The following CPNE7 variants were observed in gnomAD, a reference collection of about 807,000 sequenced individuals.
CPNE7 encodes the protein copine 7.
A neutral mutation model predicts 66.5 loss-of-function variants in CPNE7; 78 were observed. The ratio of observed to expected loss-of-function variants is 1.17; its 90% CI spans 0.98 to 1.42. The LOEUF (loss-of-function observed/expected upper bound fraction) is 1.42. Among genes scored for constraint, CPNE7 ranks in the 40% most tolerant of loss-of-function variants. CPNE7 has a pLI of 0.00. For missense variants in CPNE7, 1,012 were observed against 776.6 expected (o/e 1.30, Z -3.60); for synonymous variants, 468 against 336.7 (o/e 1.39, Z -4.27).
At position 89,591,043 on chromosome 16, in the gene CPNE7, G is replaced by A. The variant is rs141363650; in HGVS notation, c.1153G>A (p.Asp385Asn). 6.8e-6 allele frequency: 11 copies of A among 1,613,736 alleles called. No homozygotes were observed. Among genetic ancestry groups the A allele is most frequent in the Middle Eastern group, 1.7e-4 (1 of 6,060 alleles). Residue 385 changes from aspartate (D) to asparagine (N), a missense_variant, in exon 12 of 15, where the codon GAC (aspartate) becomes AAC (asparagine). Transcript: ENST00000319518. Reference protein sequence around the residue: ...HDFAINFNPEDDECEGIQGVV... With the variant: ...HDFAINFNPENDECEGIQGVV... ...CTTTGCCATCAATTTCAACCCTGAG[G>A]ACGATGAGTGTGAAGGTAGGAGCTC...
At chr16:89,587,604 CCA>C (rs1160947621) in intron 9 of CPNE7, 11 of 453,882 alleles carry the variant, frequency 2.4e-5, no homozygotes, top group East Asian at 1.4e-4. Flanking sequence ...AGTGAACCAG[CCA>C]CAGTCTCTAC....
chr16:89,590,901 G>T, intron 11 of CPNE7, 106 bp from the exon 12 acceptor site: 1 of 1,213,742 alleles, frequency 8.2e-7, no homozygotes, highest in Non-Finnish European at 1.2e-6. Context: ...GCAGCTGACT[G>T]GGGGACATGG....
In CPNE7 at chr16:89,593,984, C is replaced by G. The variant is rs546803680; in HGVS notation, c.1303-1383C>G. 31 of 152,332 alleles carry G rather than the reference C, an allele frequency of 2.0e-4. 1 individual carries two copies. In the East Asian group the frequency reaches 2.3e-3, roughly 11 times the overall value. 9.4% of individuals were successfully genotyped at this position (152,332 alleles called of 1,614,324 possible). ...TAAGCAGCCACGACACCTGATCACA[C>G]CTAACCACCACTCCTGGCATTGCAC... On this transcript the variant is annotated intron_variant, in intron 13 of 14. Transcript: ENST00000319518.
chr16:89,595,990 C>T, intron 14 of CPNE7: 1 of 494,838 alleles, frequency 2.0e-6, no homozygotes, highest in South Asian at 1.5e-5. Flanking sequence ...AGACGCACAG[C>T]ACACACGTGA....
Position 89,587,712 on chromosome 16 carries a change from C to CGTGTCACCCGCGTGTCACCCACAG in CPNE7, c.927+610_927+611insGTGTCACCCGCGTGTCACCCACAG, listed in dbSNP as rs1567960663. On this transcript the variant is annotated intron_variant, in intron 9 of 14. Transcript: ENST00000319518. ...AGATACGCACACCCCGTGTCACCCC[C>CGTGTCACCCGCGTGTCACCCACAG]ATAGCACCCCCGTGTCACCCACAGA... 1.5e-5 allele frequency: 5 copies of CGTGTCACCCGCGTGTCACCCACAG among 323,632 alleles called. No homozygotes were observed. The Admixed American group carries it at 1.6e-4, about 11-fold the overall frequency. 20.0% of individuals were successfully genotyped at this position (323,632 alleles called of 1,614,324 possible). A position where few individuals can be genotyped will look rare whatever the true frequency, so the allele number is the denominator to read the frequency against.
chr16:89,585,238 C>T (rs539016122), intron 5 of CPNE7, among the ~76,000 whole-genome samples: 9 of 152,314 alleles, frequency 5.9e-5, no homozygotes, highest in East Asian at 1.9e-4. Flanking sequence ...GCAGAAGTTA[C>T]GAAGGTGGAG....
chr16:89,588,888 C>T (rs963528444), intron 10 of CPNE7, 80 bp downstream of exon 10: 2 of 1,562,764 alleles, frequency 1.3e-6, no homozygotes, highest in East Asian at 2.3e-5. Context: ...CCCCCTCACC[C>T]CCCTGGTCTC....
rs2151463904 is a variant in CPNE7, at chr16:89,595,488, C to G, written c.1424C>G (p.Ala475Gly). Residue 475 changes from alanine (A) to glycine (G), a missense_variant, in exon 14 of 15, where the codon GCC becomes GGC. Physicochemically the swap from Ala to Gly is moderately conservative, Grantham distance 60. Coordinates refer to ENST00000319518, the MANE Select transcript of CPNE7 (RefSeq NM_153636.3). Reference sequence around the variant, plus strand: ...ATCATCATCGTGGGCGTGGGCAACGCCGACTTCACCGACATGCAGGTCCTG... The same window carrying G: ...ATCATCATCGTGGGCGTGGGCAACGGCGACTTCACCGACATGCAGGTCCTG... ...MSIIIVGVGNADFTDMQVLDG... is the reference protein window; with the variant it reads ...MSIIIVGVGNGDFTDMQVLDG... 1.2e-6 allele frequency: 2 copies of G among 1,612,602 alleles called. No individual in the cohort carries two copies. Among genetic ancestry groups the G allele is most frequent in the Middle Eastern group, 1.7e-4 (1 of 6,060 alleles).
At chr16:89,585,812 C>T (rs537575259) in intron 7 of CPNE7, 27 bp downstream of exon 7, 1 of 750,148 alleles carries the variant, frequency 1.3e-6, no homozygotes, top group Non-Finnish European at 1.8e-6. Flanking sequence ...AGGGGGTCCT[C>T]CAGGGAGGGT....
chr16:89,587,031 G>C lies in CPNE7; in HGVS notation c.868-12G>C. The C allele has an allele frequency of 1.3e-6, 2 of 1,573,942 alleles. No individual in the cohort carries two copies. The highest frequency in any genetic ancestry group is 1.2e-5 in the South Asian group (1 of 86,234). ...CCTGGCGGGGGTGGACGCTGACTCC[G>C]CCGGCCGGAAGTTCCACAGGGTGTA... is the stretch of plus-strand genomic sequence containing the variant. On this transcript the variant is annotated splice_polypyrimidine_tract_variant and intron_variant, in intron 8 of 14. Transcript: ENST00000319518.
chr16:89,593,334 A>G (rs997882552), intron 13 of CPNE7, among the ~76,000 whole-genome samples: 2 of 151,802 alleles, frequency 1.3e-5, no homozygotes, highest in African/African-American at 4.8e-5. Context: ...AGCACGTTGC[A>G]ACATCACGGT....
rs1039206584 is a variant in CPNE7 at position 89,596,742 on chromosome 16, C to G, written c.*121C>G. ...CCAGAAGCCTCCAGTCCCCACCAGG[C>G]CCCACTCCCAGTCCTCCTGGGATCC... On this transcript the variant is annotated 3_prime_UTR_variant, in exon 15 of 15. Coordinates refer to ENST00000319518, the MANE Select transcript of CPNE7 (RefSeq NM_153636.3). The G allele has an allele frequency of 8.3e-7, 1 of 1,203,034 alleles. No homozygotes were observed. The highest frequency in any genetic ancestry group is 1.1e-6 in the Non-Finnish European group (1 of 920,706). The allele number at this position is 1,203,034 out of a possible 1,614,324, so 74.5% of individuals were successfully genotyped here.
chr16:89,577,155 C>T (rs901079111), intron 1 of CPNE7, among the ~76,000 whole-genome samples: 1 of 152,178 alleles, frequency 6.6e-6, no homozygotes. Context: ...GCCCATGGTA[C>T]CCCAGCCAGG....
At chr16:89,580,624 T>C (rs1182229734) in intron 2 of CPNE7, among the ~76,000 whole-genome samples, 1 of 110,076 alleles carries the variant, frequency 9.1e-6, no homozygotes, top group Non-Finnish European at 1.9e-5. Context: ...ACGGAACATC[T>C]CACCTGTCAC....
At chr16:89,593,709 C>G (rs183135229) in intron 13 of CPNE7, among the ~76,000 whole-genome samples, 3 of 152,350 alleles carry the variant, frequency 2.0e-5, no homozygotes, top group Admixed American at 2.0e-4. Context: ...CTTGTATAAC[C>G]ATAGCACAAA....
rs57297283 is a variant in CPNE7, at chr16:89,592,810, CT to C, written c.1302+1569del. Among the ~76,000 whole-genome samples the C allele has an allele frequency of 9.9e-4, 105 of 106,362 alleles. 1 individual carries two copies. The highest frequency in any genetic ancestry group is 1.5e-3 in the African/African-American group (38 of 25,498). 69.8% of individuals were successfully genotyped at this position (106,362 alleles called of 152,430 possible). ...ACCATTGTAACCATTTTTTTCTTTT[CT>C]TTTTTTTTTTTTTTTTTTGAGATGG... On this transcript the variant is annotated intron_variant, in intron 13 of 14. Transcript: ENST00000319518.
intron 10 of CPNE7, among the ~76,000 whole-genome samples, 192 bp downstream of exon 10, chr16:89,589,000 G>C (rs2059130062): frequency 6.6e-6 from 1 of 152,216 alleles, no homozygotes; most frequent in African/African-American, 2.4e-5. Flanking sequence ...GAGTTTGTCA[G>C]ACTGTGAGGG....
In CPNE7 at chr16:89,589,905, G is replaced by C. The variant is rs766807926; in HGVS notation, c.1070G>C (p.Arg357Thr). The C allele has an allele frequency of 6.2e-7, 1 of 1,613,788 alleles. No homozygotes were observed. The highest frequency in any genetic ancestry group is 1.1e-5 in the South Asian group (1 of 91,074). Residue 357 changes from arginine to threonine, a missense_variant, in exon 11 of 15, where the codon AGG (arginine) becomes ACG (threonine). Arg to Thr is a moderately conservative substitution (Grantham distance 71, BLOSUM62 -1). Coordinates refer to ENST00000319518, the MANE Select transcript of CPNE7 (RefSeq NM_153636.3). ...TCCTGCCTCTCTTCCAGTGACAAGA[G>C]GTTTTCCGCTTTGGGGTTTGGAGCC... ...EICQDYDSDK[R>T]FSALGFGARI...
intron 13 of CPNE7, among the ~76,000 whole-genome samples, chr16:89,593,230 C>G (rs1678527588): frequency 6.6e-6 from 1 of 152,246 alleles, no homozygotes; most frequent in East Asian, 1.9e-4. Context: ...CTGTTTGCAT[C>G]TATTTTTAAT....
Sources: gnomAD v4.1 joint callset for allele counts (sites outside exome capture counted in the v4.1 genomes callset) on GRCh38, gnomAD v4.1.1 for gene constraint, MANE v1.5 for transcripts, NCBI Gene and HGNC (gene_info 2026-07-23, HGNC 2026-07-21) for gene names.